Variants in SLC24A3 observed in about 807,000 individuals in gnomAD.
The protein encoded by SLC24A3 is sodium/potassium/calcium exchanger 3.
SLC24A3 carries 28 observed loss-of-function variants against 75.8 expected under a neutral mutation model. That is an observed-to-expected ratio of 0.37 (90% CI 0.27 to 0.51). SLC24A3 has a LOEUF of 0.51. SLC24A3 is among the 20% of genes least tolerant of loss of function. The probability of loss-of-function intolerance (pLI) is 0.94; values close to 1 mark genes in which losing one functional copy is unlikely to be tolerated. For synonymous variants in SLC24A3, 372 were observed against 334.1 expected (o/e 1.11, Z -1.24); for missense variants, 663 against 847.8 (o/e 0.78, Z 2.71).
At chr20:19,663,958 CTG>C (rs2122720124) in intron 7 of SLC24A3, among the ~76,000 whole-genome samples, 1 of 152,318 alleles carries the variant, frequency 6.6e-6, no homozygotes, top group African/African-American at 2.4e-5. Flanking sequence ...TTTGCAGAAT[CTG>C]TGCCCCACCT....
intron 3 of SLC24A3, among the ~76,000 whole-genome samples, chr20:19,579,640 G>C (rs2031190884): frequency 6.6e-6 from 1 of 152,228 alleles, no homozygotes; most frequent in Non-Finnish European, 1.5e-5. Context: ...AATGGGAGCG[G>C]GGGAAAGAGG....
intron 2 of SLC24A3, among the ~76,000 whole-genome samples, chr20:19,338,868 T>C (rs146724626): frequency 2.6e-5 from 4 of 152,342 alleles, no homozygotes; most frequent in Non-Finnish European, 5.9e-5. Context: ...ATTATTTTTA[T>C]GACTCTGACC....
At chr20:19,314,022 C>A (rs749386332) in intron 2 of SLC24A3, among the ~76,000 whole-genome samples, 1 of 152,090 alleles carries the variant, frequency 6.6e-6, no homozygotes, top group Non-Finnish European at 1.5e-5. Flanking sequence ...TGTAAGCATC[C>A]CCTGATGAAA....
At chr20:19,364,794 C>T (rs1224956392) in intron 2 of SLC24A3, among the ~76,000 whole-genome samples, 2 of 152,116 alleles carry the variant, frequency 1.3e-5, no homozygotes, top group South Asian at 2.1e-4. Context: ...GCCTCAGCAT[C>T]CCCAGGGCTG....
intron 2 of SLC24A3, among the ~76,000 whole-genome samples, chr20:19,395,754 T>C (rs1479155010): frequency 2.6e-5 from 4 of 152,192 alleles, no homozygotes; most frequent in Admixed American, 1.3e-4. Context: ...GAGGGGATCA[T>C]AGCATTCCAG....
chr20:19,436,130 G>A (rs1364055542), intron 2 of SLC24A3, among the ~76,000 whole-genome samples: 1 of 152,130 alleles, frequency 6.6e-6, no homozygotes, highest in East Asian at 1.9e-4. Context: ...CATGTCAGTT[G>A]ATTCAGTCCT....
At chr20:19,390,512 G>A (rs1406150300) in intron 2 of SLC24A3, among the ~76,000 whole-genome samples, 1 of 152,036 alleles carries the variant, frequency 6.6e-6, no homozygotes, top group Non-Finnish European at 1.5e-5. Flanking sequence ...CTGTAGTATA[G>A]GACCATGAAG....
intron 2 of SLC24A3, among the ~76,000 whole-genome samples, chr20:19,301,894 A>C (rs1984205437): frequency 6.6e-6 from 1 of 152,228 alleles, no homozygotes; most frequent in Non-Finnish European, 1.5e-5. Flanking sequence ...GAATATAATT[A>C]TTTCAGATGC....
chr20:19,443,795 C>T (rs1427746462), intron 2 of SLC24A3, among the ~76,000 whole-genome samples: 3 of 152,170 alleles, frequency 2.0e-5, no homozygotes, highest in Admixed American at 2.0e-4. Context: ...TTTACTTTTA[C>T]TGTTAAACCC....
intron 6 of SLC24A3, among the ~76,000 whole-genome samples, chr20:19,617,487 G>A (rs904100049): frequency 3.9e-5 from 6 of 152,162 alleles, no homozygotes; most frequent in African/African-American, 1.2e-4. Context: ...GCTTTGAGGT[G>A]TCCATTGGAG....
intron 2 of SLC24A3, among the ~76,000 whole-genome samples, chr20:19,376,718 G>T (rs1986089396): frequency 6.6e-6 from 1 of 151,670 alleles, no homozygotes; most frequent in South Asian, 2.1e-4. Flanking sequence ...GACTCCATTT[G>T]TCTGAGATAA....
chr20:19,299,177 C>CGTGTGTGTGTGTGTGTGTGT (rs761006484), intron 2 of SLC24A3, among the ~76,000 whole-genome samples: 1 of 130,320 alleles, frequency 7.7e-6, no homozygotes, highest in African/African-American at 3.2e-5. Context: ...TCTTCCCCTT[C>CGTGTGTGTGTGTGTGTGTGT]GTGTGTGTGT....
chr20:19,450,355 C>T (rs1987459077), intron 2 of SLC24A3, among the ~76,000 whole-genome samples: 1 of 152,138 alleles, frequency 6.6e-6, no homozygotes, highest in Non-Finnish European at 1.5e-5. Flanking sequence ...TTCTCACTTC[C>T]AATGAGATTC....
intron 6 of SLC24A3, among the ~76,000 whole-genome samples, chr20:19,621,558 C>T (rs2031804943): frequency 6.6e-6 from 1 of 152,194 alleles, no homozygotes; most frequent in African/African-American, 2.4e-5. Flanking sequence ...GAATTCATGT[C>T]CCTTAGGTAT....
intron 2 of SLC24A3, among the ~76,000 whole-genome samples, chr20:19,474,638 C>A (rs982512584): frequency 6.6e-6 from 1 of 151,952 alleles, no homozygotes; most frequent in African/African-American, 2.4e-5. Flanking sequence ...TTAGGGGGTG[C>A]AACAAGATGT....
intron 2 of SLC24A3, among the ~76,000 whole-genome samples, chr20:19,282,325 A>T (rs78359081): frequency 2.0e-5 from 3 of 152,366 alleles, no homozygotes; most frequent in African/African-American, 7.2e-5. Context: ...AACAAAAAAA[A>T]TACCCTATGT....
chr20:19,332,034 CAGA>C (rs1351941957), intron 2 of SLC24A3, among the ~76,000 whole-genome samples: 3 of 152,148 alleles, frequency 2.0e-5, no homozygotes, highest in Admixed American at 6.5e-5. Context: ...TTGAGGAACA[CAGA>C]AGGACATTGC....
At chr20:19,669,637 C>T (rs1226406125) in intron 8 of SLC24A3, among the ~76,000 whole-genome samples, 1 of 152,078 alleles carries the variant, frequency 6.6e-6, no homozygotes. Flanking sequence ...AACAAGAAAA[C>T]TAAAGAACGC....
chr20:19,674,989 G>A (rs1327961533), intron 9 of SLC24A3, among the ~76,000 whole-genome samples: 24 of 152,214 alleles, frequency 1.6e-4, no homozygotes, highest in Admixed American at 1.6e-3. Context: ...GGCAGAGGTT[G>A]CAATGAGCTG....
Sources: gnomAD v4.1 joint callset for allele counts (sites outside exome capture counted in the v4.1 genomes callset) on GRCh38, gnomAD v4.1.1 for gene constraint, MANE v1.5 for transcripts, NCBI Gene and HGNC (gene_info 2026-07-23, HGNC 2026-07-21) for gene names.